The following EXOC6B variants were observed in gnomAD, a reference collection of about 807,000 sequenced individuals.
The protein encoded by EXOC6B is exocyst complex component 6B.
In EXOC6B, 54 loss-of-function variants were observed where a neutral mutation model predicts 113.5. That is an observed-to-expected ratio of 0.48 (90% CI 0.38 to 0.60). The LOEUF (loss-of-function observed/expected upper bound fraction) is 0.60, where lower values mean the gene tolerates loss of function less well. Among genes scored for constraint, EXOC6B ranks in the 20% least tolerant of loss-of-function variants. The pLI, the probability that EXOC6B is intolerant of heterozygous loss-of-function variation, is 0.00. For synonymous variants in EXOC6B, 357 were observed against 339.0 expected (o/e 1.05, Z -0.58); for missense variants, 797 against 977.5 (o/e 0.82, Z 2.46).
chr2:72,431,023 T>A (rs1331223652), intron 18 of EXOC6B, among the ~76,000 whole-genome samples: 2 of 152,194 alleles, frequency 1.3e-5, no homozygotes, highest in Admixed American at 1.3e-4. Context: ...TAAATGGGGA[T>A]GCTAAAAAGC....
chr2:72,608,908 AAG>A (rs1382482566), intron 6 of EXOC6B, among the ~76,000 whole-genome samples: 1 of 152,184 alleles, frequency 6.6e-6, no homozygotes, highest in Non-Finnish European at 1.5e-5. Context: ...CAAGCAGAAA[AAG>A]AAATAAATCT....
chr2:72,255,686 G>T (rs1202080530), intron 20 of EXOC6B, among the ~76,000 whole-genome samples: 3 of 152,114 alleles, frequency 2.0e-5, no homozygotes, highest in Non-Finnish European at 4.4e-5. Context: ...GAAGAATTTT[G>T]CCCCAGGGTG....
chr2:72,290,801 C>T (rs1296251444), intron 20 of EXOC6B, among the ~76,000 whole-genome samples: 1 of 151,738 alleles, frequency 6.6e-6, no homozygotes, highest in African/African-American at 2.4e-5. Context: ...CCAAACAATT[C>T]AATAAAACAT....
In EXOC6B at chr2:72,740,188, TA is replaced by T. The variant is rs1383779993; in HGVS notation, c.279+1115del. On this transcript the variant is annotated intron_variant, in intron 2 of 21. Coordinates refer to ENST00000272427, the MANE Select transcript of EXOC6B (RefSeq NM_015189.3). ...TCTGACAGCCCACTTTGCCCCTTAG[TA>T]AAACTGTTTCTTTGCTTTCCTTACC... Among the ~76,000 whole-genome samples the T allele has an allele frequency of 3.9e-5, 6 of 152,284 alleles. 1 individual carries two copies. The East Asian group carries it at 7.7e-4, about 20-fold the overall frequency.
At chr2:72,404,646 T>G (rs1432355554) in intron 18 of EXOC6B, among the ~76,000 whole-genome samples, 1 of 151,950 alleles carries the variant, frequency 6.6e-6, no homozygotes, top group Non-Finnish European at 1.5e-5. Flanking sequence ...CAGCTGAGGG[T>G]CCCGACTGTT....
At chr2:72,352,943 C>A (rs566240775) in intron 19 of EXOC6B, among the ~76,000 whole-genome samples, 14 of 152,142 alleles carry the variant, frequency 9.2e-5, no homozygotes, top group African/African-American at 3.4e-4. Context: ...TCCGCCCTAA[C>A]AACATGAAGT....
chr2:72,689,914 TA>T (rs756266787), intron 6 of EXOC6B, among the ~76,000 whole-genome samples: 1 of 152,224 alleles, frequency 6.6e-6, no homozygotes, highest in Non-Finnish European at 1.5e-5. Context: ...CAGCTATGAC[TA>T]AGCCAAGACA....
At chr2:72,299,229 T>C (rs1218175930) in intron 20 of EXOC6B, among the ~76,000 whole-genome samples, 2 of 151,876 alleles carry the variant, frequency 1.3e-5, no homozygotes, top group African/African-American at 4.8e-5. Context: ...TTTATTTCAT[T>C]GAGTTGATCT....
At chr2:72,410,436 G>A (rs1243913238) in intron 18 of EXOC6B, among the ~76,000 whole-genome samples, 2 of 152,108 alleles carry the variant, frequency 1.3e-5, no homozygotes, top group African/African-American at 4.8e-5. Flanking sequence ...CTCAATTTGT[G>A]TCTGTGTTAA....
chr2:72,353,921 G>A (rs2104953938), intron 19 of EXOC6B, among the ~76,000 whole-genome samples: 1 of 152,112 alleles, frequency 6.6e-6, no homozygotes, highest in South Asian at 2.1e-4. Flanking sequence ...TCTCAAAGTT[G>A]CAAAAAGTAA....
chr2:72,528,208 CA>C (rs1415470542), intron 8 of EXOC6B, among the ~76,000 whole-genome samples: 1 of 151,938 alleles, frequency 6.6e-6, no homozygotes, highest in Non-Finnish European at 1.5e-5. Flanking sequence ...GTTCATAATC[CA>C]TTTTGTATAA....
At position 72,734,018 on chromosome 2, in the gene EXOC6B, T is replaced by C. The variant is rs112281601; in HGVS notation, c.280-900A>G. On this transcript the variant is annotated intron_variant, in intron 2 of 21. Transcript: ENST00000272427. ...GCGAGCACACACAGTCTCACAGACA[T>C]AAACACACACACAAATACACACGAT... Among the ~76,000 whole-genome samples, 8 of 152,208 alleles carry C rather than the reference T, an allele frequency of 5.3e-5. 1 individual carries two copies. Among genetic ancestry groups the C allele is most frequent in the African/African-American group, 1.9e-4 (8 of 41,534 alleles).
At chr2:72,329,575 A>C (rs1172396428) in intron 20 of EXOC6B, among the ~76,000 whole-genome samples, 2 of 152,056 alleles carry the variant, frequency 1.3e-5, no homozygotes, top group African/African-American at 4.8e-5. Context: ...TTTTCCTATG[A>C]GTCACAGCAG....
intron 5 of EXOC6B, among the ~76,000 whole-genome samples, chr2:72,719,485 G>A (rs1395933730): frequency 6.6e-6 from 1 of 152,174 alleles, no homozygotes; most frequent in Non-Finnish European, 1.5e-5. Flanking sequence ...ACCTAAAAGG[G>A]TCTAAGCAAT....
chr2:72,721,390 G>GAAAAA (rs1679996399), intron 5 of EXOC6B, among the ~76,000 whole-genome samples: 5 of 52,008 alleles, frequency 9.6e-5, no homozygotes, highest in Admixed American at 2.3e-4. Context: ...AAAAAAAAAT[G>GAAAAA]AACAAAGAAA....
intron 18 of EXOC6B, among the ~76,000 whole-genome samples, chr2:72,408,138 C>G (rs1423845174): frequency 6.6e-6 from 1 of 152,066 alleles, no homozygotes; most frequent in African/African-American, 2.4e-5. Flanking sequence ...GAATAAAATA[C>G]CTAGGAATCC....
At chr2:72,806,971 T>C (rs1685615654) in intron 1 of EXOC6B, among the ~76,000 whole-genome samples, 1 of 152,192 alleles carries the variant, frequency 6.6e-6, no homozygotes, top group Non-Finnish European at 1.5e-5. Flanking sequence ...ATTCTATAGG[T>C]TGTCTGTTTT....
intron 7 of EXOC6B, among the ~76,000 whole-genome samples, chr2:72,567,650 C>A (rs1445595087): frequency 6.6e-6 from 1 of 151,890 alleles, no homozygotes; most frequent in Non-Finnish European, 1.5e-5. Context: ...CGGCTGATGC[C>A]AGGGCTAGGG....
At chr2:72,643,531 C>T (rs951140019) in intron 6 of EXOC6B, among the ~76,000 whole-genome samples, 1 of 147,604 alleles carries the variant, frequency 6.8e-6, no homozygotes, top group Non-Finnish European at 1.5e-5. Context: ...CCAAACACCG[C>T]ATATTCTCAC....
Sources: allele counts gnomAD v4.1 joint callset (sites outside exome capture counted in the v4.1 genomes callset), GRCh38; gene constraint gnomAD v4.1.1; transcripts MANE v1.5; gene names NCBI Gene and HGNC (gene_info 2026-07-23, HGNC 2026-07-21).